Variants in TCF3 observed in about 807,000 individuals in gnomAD.
TCF3 encodes the protein transcription factor E2-alpha.
In TCF3, 54 loss-of-function variants were observed where a neutral mutation model predicts 72.3. The observed-to-expected ratio is 0.75, with a 90% CI of 0.60 to 0.94. The LOEUF is 0.94. TCF3 is among the 40% of genes least tolerant of loss of function. The pLI, the probability that TCF3 is intolerant of heterozygous loss-of-function variation, is 0.00. For missense variants in TCF3, 1,078 were observed against 934.4 expected (o/e 1.15, Z -2.00); for synonymous variants, 525 against 412.6 (o/e 1.27, Z -3.30).
intron 13 of TCF3, 111 bp downstream of exon 13, chr19:1,620,857 G>A: frequency 2.7e-6 from 3 of 1,128,744 alleles, no homozygotes; most frequent in East Asian, 3.1e-5. Context: ...GCAAGGTGCA[G>A]ACACCAGAAC....
At chr19:1,639,520 T>C (rs1338042541) in intron 3 of TCF3, among the ~76,000 whole-genome samples, 1 of 152,076 alleles carries the variant, frequency 6.6e-6, no homozygotes, top group South Asian at 2.1e-4. Context: ...AAAATCTAAA[T>C]ATGGTTCAAA....
chr19:1,626,672 T>C (rs1252445710), intron 6 of TCF3, among the ~76,000 whole-genome samples: 1 of 152,070 alleles, frequency 6.6e-6, no homozygotes, highest in Non-Finnish European at 1.5e-5. Context: ...TATTCCTGTC[T>C]GTAAAATGGG....
intron 16 of TCF3, among the ~76,000 whole-genome samples, chr19:1,617,898 C>A (rs2061716383): frequency 6.6e-6 from 1 of 152,184 alleles, no homozygotes; most frequent in Non-Finnish European, 1.5e-5. Context: ...TGTCCCCAGA[C>A]ATCACCCAGT....
rs35052765 is a variant in TCF3 at position 1,619,418 on chromosome 19, G to C, written c.1224C>G (p.Ala408=). The C allele has an allele frequency of 2.5e-6, 4 of 1,592,362 alleles. No individual in the cohort carries two copies. In the South Asian group the frequency reaches 3.3e-5, roughly 13 times the overall value. ...TGTGCATGTCGCCGGCTGTGCCCAC[G>C]GCGTGGCTGCGGAGCACGTGGATGG... ...DEAIHVLRSH[A]VGTAGDMHTL... Residue 408 remains alanine, a synonymous_variant, in exon 15 of 19, where the codon GCC becomes GCG. Transcript: ENST00000262965.
At chr19:1,622,257 T>A in intron 9 of TCF3, 34 bp from the exon 10 acceptor site, 1 of 1,512,224 alleles carries the variant, frequency 6.6e-7, no homozygotes, top group East Asian at 2.4e-5. Flanking sequence ...GGGGGCCGAG[T>A]GGGGAACCCC....
chr19:1,609,534 AAT>A lies in TCF3; in HGVS notation c.*2171_*2172del, dbSNP rs2060844234. On this transcript the variant is annotated 3_prime_UTR_variant, in exon 19 of 19. Transcript: ENST00000262965. ...TGTTTCTTCCTCCTCGCGCTGGGTG[AAT>A]CTCGTTTGAATTCTATGCAGAACGC... The A allele has an allele frequency of 5.0e-6, 1 of 201,814 alleles. No homozygotes were observed. Among genetic ancestry groups the A allele is most frequent in the African/African-American group, 2.3e-5 (1 of 43,086 alleles). The allele number at this position is 201,814 out of a possible 1,614,324, so 12.5% of individuals were successfully genotyped here.
In TCF3 at chr19:1,614,509, G is replaced by GA. The variant is rs2061353090; in HGVS notation, c.1822+775_1822+776insT. Among the ~76,000 whole-genome samples, 1 of 152,182 alleles carries GA rather than the reference G, an allele frequency of 6.6e-6. No individual in the cohort carries two copies. The highest frequency in any genetic ancestry group is 2.1e-4 in the South Asian group (1 of 4,828). On this transcript the variant is annotated intron_variant, in intron 18 of 18. Coordinates refer to ENST00000262965, the MANE Select transcript of TCF3 (RefSeq NM_003200.5). This position sits in a 1 kb window ranked among gnomAD's most constrained non-coding sequence, Gnocchi z 5.6. ...GCAGACAGCAGAGAGGCGGGCTTGG[G>GA]GGGCGCGAGGCGTGCCACACACGGC...
In TCF3 at chr19:1,650,183, G is replaced by T. The variant is rs1264140151; in HGVS notation, c.66C>A (p.Phe22Leu). Residue 22 changes from phenylalanine to leucine, a missense_variant, in exon 2 of 19, where the codon TTC becomes TTA. By Grantham distance (22) the Phe-to-Leu change is conservative. Coordinates refer to ENST00000262965, the MANE Select transcript of TCF3 (RefSeq NM_003200.5). ...GGCGGGGGTCCTGGCTCACCATGCT[G>T]AAGTCCAGGAGGTCACTGAGCTCCT... is the stretch of plus-strand genomic sequence containing the variant. Reference protein sequence around the residue: ...TDKELSDLLDFSMMFPLPVTN... With the variant: ...TDKELSDLLDLSMMFPLPVTN... The T allele has an allele frequency of 1.9e-6, 3 of 1,569,860 alleles. No homozygotes were observed. Among genetic ancestry groups the T allele is most frequent in the Middle Eastern group, 3.3e-4 (2 of 6,008 alleles).
intron 3 of TCF3, among the ~76,000 whole-genome samples, chr19:1,639,312 G>GGGA (rs2145270620): frequency 6.6e-6 from 1 of 152,308 alleles, no homozygotes; most frequent in Non-Finnish European, 1.5e-5. Context: ...CCAAAGTGCT[G>GGGA]GGATTACAGG....
intron 2 of TCF3, among the ~76,000 whole-genome samples, chr19:1,646,785 G>A (rs548909704): frequency 7.8e-4 from 119 of 152,350 alleles, no homozygotes; most frequent in Admixed American, 1.4e-3. Flanking sequence ...ATCAGCTCTT[G>A]ACAGTGATAC....
intron 5 of TCF3, among the ~76,000 whole-genome samples, chr19:1,630,520 T>G (rs1319682710): frequency 6.6e-6 from 1 of 152,018 alleles, no homozygotes; most frequent in East Asian, 1.9e-4. Flanking sequence ...GGCCTCAGTT[T>G]CCCCGCAAGC....
chr19:1,624,337 A>C (rs1005392223), intron 7 of TCF3, among the ~76,000 whole-genome samples: 3 of 152,156 alleles, frequency 2.0e-5, no homozygotes, highest in Non-Finnish European at 4.4e-5. Flanking sequence ...CAGAGGCTGC[A>C]GTGAGCCGAG....
At chr19:1,619,552 G>T in intron 14 of TCF3, 78 bp from the exon 15 acceptor site, 2 of 1,495,110 alleles carry the variant, frequency 1.3e-6, no homozygotes, top group East Asian at 2.3e-5. Flanking sequence ...CCTTCCGCAT[G>T]CAAGTGGCCG....
At position 1,619,864 on chromosome 19, in the gene TCF3, G is replaced by T; in HGVS notation, c.1094-11C>A. Reference sequence around the variant, plus strand: ...GCCACTGTGACGTTCCTGGAAGGGAGTGGGGACGTGAATGGGGTGCGAGGG... The same window carrying T: ...GCCACTGTGACGTTCCTGGAAGGGATTGGGGACGTGAATGGGGTGCGAGGG... On this transcript the variant is annotated splice_polypyrimidine_tract_variant and intron_variant, in intron 13 of 18. Transcript: ENST00000262965. 1 of 1,572,466 alleles carries T rather than the reference G, an allele frequency of 6.4e-7. No individual in the cohort carries two copies. The highest frequency in any genetic ancestry group is 8.6e-7 in the Non-Finnish European group (1 of 1,159,694).
chr19:1,642,109 G>A (rs971637609), intron 3 of TCF3, among the ~76,000 whole-genome samples: 2 of 150,448 alleles, frequency 1.3e-5, no homozygotes, highest in African/African-American at 2.5e-5. Flanking sequence ...GAAGGTGCAT[G>A]TCTCAAAACT....
Position 1,632,041 on chromosome 19 carries a change from C to T in TCF3, c.295G>A (p.Gly99Arg), listed in dbSNP as rs763452882. 38 of 1,612,816 alleles carry T rather than the reference C, an allele frequency of 2.4e-5. No homozygotes were observed. Among genetic ancestry groups the T allele is most frequent in the East Asian group, 6.7e-5 (3 of 44,820 alleles). Residue 99 changes from glycine to arginine, a missense_variant, in exon 5 of 19, where the codon GGA (glycine) becomes AGA (arginine). By Grantham distance (125) the Gly-to-Arg change is moderately radical. Coordinates refer to ENST00000262965, the MANE Select transcript of TCF3 (RefSeq NM_003200.5). The stretch of plus-strand genomic sequence containing the variant: ...CCGCACCAGGCCAGGCACTCACCTC[C>T]GAGTCCCGGTCCCAGGAATGTGGAT... ...SSSTFLGPGLGGKSGERGAYA... is the reference protein window; with the variant it reads ...SSSTFLGPGLRGKSGERGAYA...
chr19:1,627,921 G>T (rs1180690465), intron 5 of TCF3, among the ~76,000 whole-genome samples: 1 of 10,762 alleles, frequency 9.3e-5, no homozygotes, highest in African/African-American at 7.0e-4. Flanking sequence ...CAGGGGGTGA[G>T]GCGGGAAGGG....
chr19:1,634,785 G>A (rs2064176119), intron 3 of TCF3, among the ~76,000 whole-genome samples: 1 of 152,244 alleles, frequency 6.6e-6, no homozygotes, highest in South Asian at 2.1e-4. Context: ...CAAGGACCAA[G>A]TCTGGCCCCT....
In TCF3 at chr19:1,615,390, C is replaced by A; in HGVS notation, c.1717G>T (p.Gly573Trp). The A allele has an allele frequency of 1.9e-6, 3 of 1,614,086 alleles. No homozygotes were observed. Among genetic ancestry groups the A allele is most frequent in the Non-Finnish European group, 2.5e-6 (3 of 1,179,998 alleles). Residue 573 changes from glycine (G) to tryptophan (W), a missense_variant, in exon 18 of 19, where the codon GGG (glycine) becomes TGG (tryptophan). Transcript: ENST00000262965. The surrounding 1 kb of genome is among the most constrained non-coding windows in gnomAD (Gnocchi z 7.3). ...TTGAGGTGCAGTTGGCACATGCGCC[C>A]CAGCTCCTTAAAGGCCTCGTTGATG... is the stretch of plus-strand genomic sequence containing the variant. ...RDINEAFKEL[G>W]RMCQLHLNSE...
Sources: allele counts gnomAD v4.1 joint callset (sites outside exome capture counted in the v4.1 genomes callset), GRCh38; gene constraint gnomAD v4.1.1; non-coding constraint Gnocchi (gnomAD v3.1); transcripts MANE v1.5; gene names NCBI Gene and HGNC (gene_info 2026-07-23, HGNC 2026-07-21).